SPTBN1: variants seen among roughly 807,000 people sequenced by gnomAD.
The protein encoded by SPTBN1 is spectrin beta chain, non-erythrocytic 1.
A neutral mutation model predicts 266.4 loss-of-function variants in SPTBN1; 32 were observed. That is an observed-to-expected ratio of 0.12 (90% CI 0.09 to 0.16). The LOEUF is 0.16. SPTBN1 is among the 10% of genes least tolerant of loss of function. The pLI is 1.00. For synonymous variants in SPTBN1, 1,336 were observed against 1,162.2 expected, an observed-to-expected ratio of 1.15 and a Z score of -3.04; for missense variants, 2,296 against 3,067.1, an observed-to-expected ratio of 0.75 and a Z score of 5.94.
intron 1 of SPTBN1, among the ~76,000 whole-genome samples, chr2:54,485,068 C>T (rs1668282618): frequency 6.6e-6 from 1 of 152,130 alleles, no homozygotes; most frequent in South Asian, 2.1e-4. Flanking sequence ...GAAGTTTGCA[C>T]AGAATGTGGA....
rs1558440995 is a variant in SPTBN1 at position 54,626,003 on chromosome 2, T to A, written c.1413T>A (p.Ile471=). ...AGCACGAGGCCATTGAGACAGACAT[T>A]GCCGCATACGAGGAGCGTGTGCAGG... ...TKKHEAIETD[I]AAYEERVQAV... Residue 471 remains isoleucine (I), a synonymous_variant, in exon 12 of 36, where the codon ATT becomes ATA. Transcript: ENST00000356805. The surrounding 1 kb of genome is among the most constrained non-coding windows in gnomAD (Gnocchi z 4.7). 1.2e-6 allele frequency: 2 copies of A among 1,614,158 alleles called. No individual in the cohort carries two copies. Among genetic ancestry groups the A allele is most frequent in the Non-Finnish European group, 1.7e-6 (2 of 1,180,022 alleles).
At chr2:54,592,975 A>G (rs1209461782) in intron 2 of SPTBN1, among the ~76,000 whole-genome samples, 1 of 152,074 alleles carries the variant, frequency 6.6e-6, no homozygotes, top group African/African-American at 2.4e-5. Context: ...AGCTTAGAGA[A>G]AGTATGAAGT....
chr2:54,660,480 C>T, intron 32 of SPTBN1: 1 of 989,950 alleles, frequency 1.0e-6, no homozygotes, highest in Non-Finnish European at 1.2e-6. Context: ...TGTTATTAAC[C>T]TATAGTAGTT....
chr2:54,605,248 C>G (rs762434982), intron 3 of SPTBN1, among the ~76,000 whole-genome samples: 1 of 152,176 alleles, frequency 6.6e-6, no homozygotes, highest in East Asian at 1.9e-4. Flanking sequence ...AAACCAGCCA[C>G]CAGATGGGAA....
chr2:54,665,524 A>ACAGGCAT (rs1681312303), intron 33 of SPTBN1, among the ~76,000 whole-genome samples: 1 of 152,196 alleles, frequency 6.6e-6, no homozygotes, highest in African/African-American at 2.4e-5. Context: ...CAGCTGGAGG[A>ACAGGCAT]GCTGCTGCTG....
rs750231425 is a variant in SPTBN1 at position 54,622,285 on chromosome 2, A to T, written c.877-15A>T. On this transcript the variant is annotated splice_polypyrimidine_tract_variant and intron_variant, in intron 8 of 35. Coordinates refer to ENST00000356805, the MANE Select transcript of SPTBN1 (RefSeq NM_003128.3). Reference sequence around the variant, plus strand: ...GTGACATGATCTTTTCAATTTTTCTATCCCTTGTTGCCAGGTGCTTGACAA... The same window carrying T: ...GTGACATGATCTTTTCAATTTTTCTTTCCCTTGTTGCCAGGTGCTTGACAA... 13 of 1,612,100 alleles carry T rather than the reference A, an allele frequency of 8.1e-6. No homozygotes were observed. In the South Asian group the frequency reaches 1.4e-4, roughly 18 times the overall value.
intron 8 of SPTBN1, 53 bp downstream of exon 8, chr2:54,621,565 C>G (rs1677994628): frequency 7.1e-7 from 1 of 1,409,800 alleles, no homozygotes; most frequent in East Asian, 2.3e-5. Context: ...GTTAATTGAG[C>G]CCTCATTCTC....
At chr2:54,492,762 C>G (rs887397732) in intron 1 of SPTBN1, among the ~76,000 whole-genome samples, 4 of 152,106 alleles carry the variant, frequency 2.6e-5, no homozygotes, top group African/African-American at 7.2e-5. Context: ...GAGTGGATTT[C>G]CTTTCATGTG....
chr2:54,650,803 C>T (rs977437284), intron 26 of SPTBN1, among the ~76,000 whole-genome samples: 3 of 152,208 alleles, frequency 2.0e-5, no homozygotes, highest in Admixed American at 6.5e-5. Context: ...GATGAATGAG[C>T]GTAGCTGTGT....
intron 2 of SPTBN1, chr2:54,557,619 C>T: frequency 1.5e-6 from 1 of 687,182 alleles, no homozygotes; most frequent in Non-Finnish European, 1.8e-6. Flanking sequence ...CCCTCATCTC[C>T]CCTCCGGATC....
intron 31 of SPTBN1, 69 bp from the exon 32 acceptor site, chr2:54,659,867 C>A: frequency 6.4e-7 from 1 of 1,552,290 alleles, no homozygotes; most frequent in Non-Finnish European, 8.7e-7. Context: ...GTTCTCCCAC[C>A]CTTTCTTACT....
intron 1 of SPTBN1, among the ~76,000 whole-genome samples, chr2:54,476,298 A>G (rs1667828281): frequency 6.6e-6 from 1 of 152,186 alleles, no homozygotes; most frequent in Non-Finnish European, 1.5e-5. Flanking sequence ...TAATCCTCCC[A>G]TGTAGCCACA....
intron 2 of SPTBN1, among the ~76,000 whole-genome samples, chr2:54,545,847 C>T (rs1302544843): frequency 5.3e-5 from 8 of 152,086 alleles, no homozygotes; most frequent in East Asian, 1.9e-4. Flanking sequence ...AGCATGCTAA[C>T]GGGCTGTTGC....
chr2:54,572,755 A>G (rs1674175332), intron 2 of SPTBN1, among the ~76,000 whole-genome samples: 1 of 152,180 alleles, frequency 6.6e-6, no homozygotes, highest in Admixed American at 6.5e-5. Context: ...TTTAAAAGTC[A>G]TACTCGTTCA....
chr2:54,595,735 C>T (rs1676035281), intron 2 of SPTBN1, among the ~76,000 whole-genome samples: 1 of 152,116 alleles, frequency 6.6e-6, no homozygotes, highest in South Asian at 2.1e-4. Context: ...GAGTGTCTTC[C>T]AAGATTTCTC....
At chr2:54,572,411 GCTTTTCTAACCGCGAGTGTCTTTGTTTA>G (rs1674149130) in intron 2 of SPTBN1, among the ~76,000 whole-genome samples, 1 of 152,182 alleles carries the variant, frequency 6.6e-6, no homozygotes, top group Non-Finnish European at 1.5e-5. Flanking sequence ...AACGAACACA[GCTTTTCTAACCGCGAGTGTCTTTGTTTA>G]CAGAGATAAC....
rs1302475771 is a variant in SPTBN1 at position 54,526,586 on chromosome 2, C to T, written c.148+20C>T. On this transcript the variant is annotated intron_variant, in intron 2 of 35. Coordinates refer to ENST00000356805, the MANE Select transcript of SPTBN1 (RefSeq NM_003128.3). ...TGGCAGGTGAGTCCTTCACACCTGT[C>T]ACAGAGGCCCAGGATGCCTAAAATC... is the stretch of plus-strand genomic sequence containing the variant. 1.9e-6 allele frequency: 3 copies of T among 1,607,206 alleles called. No homozygotes were observed. Among genetic ancestry groups the T allele is most frequent in the Non-Finnish European group, 2.6e-6 (3 of 1,175,984 alleles).
At chr2:54,604,763 G>A (rs978183500) in intron 3 of SPTBN1, among the ~76,000 whole-genome samples, 5 of 152,280 alleles carry the variant, frequency 3.3e-5, no homozygotes, top group Non-Finnish European at 7.4e-5. Flanking sequence ...CTTGGGAGGG[G>A]GAAACAGAAA....
chr2:54,638,442 T>A (rs903157664), intron 18 of SPTBN1, among the ~76,000 whole-genome samples: 3 of 152,270 alleles, frequency 2.0e-5, no homozygotes, highest in African/African-American at 7.2e-5. Context: ...TCTTTCAGGC[T>A]GTTCCCATGT....
Sources: gnomAD v4.1 joint callset for allele counts (sites outside exome capture counted in the v4.1 genomes callset) on GRCh38, gnomAD v4.1.1 for gene constraint, Gnocchi (gnomAD v3.1) non-coding constraint, MANE v1.5 for transcripts, NCBI Gene and HGNC (gene_info 2026-07-23, HGNC 2026-07-21) for gene names.